The following KDM2A variants were observed in gnomAD, a reference collection of about 807,000 sequenced individuals.
The protein encoded by KDM2A is lysine demethylase 2A, also known as lysine-specific demethylase 2A.
In KDM2A, 3 loss-of-function variants were observed where a neutral mutation model predicts 137.3. The observed-to-expected ratio is 0.02, with a 90% CI of 0.01 to 0.06. The LOEUF (loss-of-function observed/expected upper bound fraction) is 0.06. Among genes scored for constraint, KDM2A ranks in the 10% least tolerant of loss-of-function variants. The probability of loss-of-function intolerance (pLI) is 1.00; values close to 1 mark genes in which losing one functional copy is unlikely to be tolerated. For synonymous variants in KDM2A, 512 were observed against 541.5 expected (o/e 0.95, Z 0.76); for missense variants, 738 against 1,510.6 (o/e 0.49, Z 8.48).
At chr11:67,194,562 C>A (rs1857435055) in intron 5 of KDM2A, among the ~76,000 whole-genome samples, 1 of 152,140 alleles carries the variant, frequency 6.6e-6, no homozygotes, top group South Asian at 2.1e-4. Context: ...GTAAAAAACA[C>A]CACAAAAGCA....
Position 67,254,833 on chromosome 11 carries a change from T to G in KDM2A, c.3308-41T>G. The G allele has an allele frequency of 6.4e-7, 1 of 1,554,754 alleles. No individual in the cohort carries two copies. Among genetic ancestry groups the G allele is most frequent in the Middle Eastern group, 1.7e-4 (1 of 5,972 alleles). ...GGAATTGAATGGCAGAGGAAAGCTGTGTGTATGTGAGCACTGTCATTATGT... is the reference window on the plus strand; with the variant it reads ...GGAATTGAATGGCAGAGGAAAGCTGGGTGTATGTGAGCACTGTCATTATGT... On this transcript the variant is annotated intron_variant, in intron 20 of 20. Coordinates refer to ENST00000529006, the MANE Select transcript of KDM2A (RefSeq NM_012308.3). This position sits in a 1 kb window ranked among gnomAD's most constrained non-coding sequence, Gnocchi z 4.7.
chr11:67,151,461 C>T lies in KDM2A; in HGVS notation c.43-28618C>T, dbSNP rs118173127. On this transcript the variant is annotated intron_variant, in intron 2 of 20. Coordinates refer to ENST00000529006, the MANE Select transcript of KDM2A (RefSeq NM_012308.3). ...AATGGTGCCATCTCTGCTCGCTGCA[C>T]CTTCCGCCTCCCGAATAAGTGGGGT... Among the ~76,000 whole-genome samples the T allele has an allele frequency of 4.2e-3, 642 of 151,970 alleles. 36 individuals carry two copies. The East Asian group carries it at 0.11, about 25-fold the overall frequency.
In KDM2A at chr11:67,119,786, CT is replaced by C. The variant is rs1019248727; in HGVS notation, c.-346del. On this transcript the variant is annotated 5_prime_UTR_variant, in exon 1 of 21. Coordinates refer to ENST00000529006, the MANE Select transcript of KDM2A (RefSeq NM_012308.3). The stretch of plus-strand genomic sequence containing the variant: ...CGGGCCCGGGCTGCTGACCGCTGGC[CT>C]GGGGGAGGCGGGGGCGCCCCGGGCT... 1.3e-5 allele frequency: 2 copies of C among 151,064 alleles called. No individual in the cohort carries two copies. The highest frequency in any genetic ancestry group is 4.8e-5 in the African/African-American group (2 of 41,330). The allele number at this position is 151,064 out of a possible 1,614,324, so 9.4% of individuals were successfully genotyped here. A position where few individuals can be genotyped will look rare whatever the true frequency, so the allele number is the denominator to read the frequency against.
chr11:67,217,087 C>G (rs756528316), intron 8 of KDM2A, among the ~76,000 whole-genome samples: 2 of 144,488 alleles, frequency 1.4e-5, no homozygotes, highest in African/African-American at 5.2e-5. Context: ...ACTAAAAATA[C>G]AAAAATTAGC....
intron 2 of KDM2A, among the ~76,000 whole-genome samples, chr11:67,138,117 A>G (rs1405974645): frequency 6.6e-6 from 1 of 152,060 alleles, no homozygotes; most frequent in Non-Finnish European, 1.5e-5. Flanking sequence ...TTATTATAGG[A>G]CCACCGTCAC....
intron 11 of KDM2A, among the ~76,000 whole-genome samples, chr11:67,228,686 G>GAAAA (rs139339570): frequency 2.9e-5 from 3 of 105,002 alleles, no homozygotes; most frequent in Non-Finnish European, 6.4e-5. Flanking sequence ...ACCCTGTTGC[G>GAAAA]AAAAAAAAAA....
chr11:67,126,331 T>C (rs539660627), intron 2 of KDM2A, among the ~76,000 whole-genome samples: 5 of 151,958 alleles, frequency 3.3e-5, no homozygotes, highest in Non-Finnish European at 7.4e-5. Context: ...TCCCAGCACT[T>C]CGGGAGGCCA....
chr11:67,139,823 C>T (rs1302539850), intron 2 of KDM2A, among the ~76,000 whole-genome samples: 1 of 152,102 alleles, frequency 6.6e-6, no homozygotes, highest in Non-Finnish European at 1.5e-5. Flanking sequence ...GATTCTTCTG[C>T]CTCAGGTCCT....
At chr11:67,141,678 AAAAAATAT>A (rs1299458299) in intron 2 of KDM2A, among the ~76,000 whole-genome samples, 63 of 76,262 alleles carry the variant, frequency 8.3e-4, no homozygotes, top group South Asian at 8.2e-3. Flanking sequence ...AAAAAAAAAA[AAAAAATAT>A]ATATATATAT....
In KDM2A at chr11:67,195,369, CAAAAAAA is replaced by C. The variant is rs34494813; in HGVS notation, c.308-12122_308-12116del. ...GGGTGATCGAGTGAGACTCCGTCTC[CAAAAAAA>C]AAAAAAAAAAAAAAAAAAGTTGAAT... On this transcript the variant is annotated intron_variant, in intron 5 of 20. Coordinates refer to ENST00000529006, the MANE Select transcript of KDM2A (RefSeq NM_012308.3). 1.4e-4 allele frequency among the ~76,000 whole-genome samples: 9 copies of C among 65,232 alleles called. No homozygotes were observed. In the East Asian group the frequency reaches 3.5e-3, roughly 25 times the overall value. 42.8% of individuals were successfully genotyped at this position (65,232 alleles called of 152,430 possible).
chr11:67,226,232 T>C (rs1437010124), intron 10 of KDM2A, among the ~76,000 whole-genome samples: 1 of 149,948 alleles, frequency 6.7e-6, no homozygotes, highest in African/African-American at 2.5e-5. Flanking sequence ...ACACTAGCCT[T>C]GGTGACAGAG....
chr11:67,204,047 C>T (rs575836110), intron 5 of KDM2A, among the ~76,000 whole-genome samples: 10 of 151,974 alleles, frequency 6.6e-5, no homozygotes, highest in African/African-American at 2.2e-4. Context: ...GTGATCTGCC[C>T]GCCTCGGCCT....
intron 12 of KDM2A, among the ~76,000 whole-genome samples, chr11:67,238,128 G>A (rs983770308): frequency 6.6e-5 from 10 of 152,040 alleles, no homozygotes; most frequent in Non-Finnish European, 1.2e-4. Flanking sequence ...CTTGTATTAT[G>A]TAATGTCATG....
intron 2 of KDM2A, among the ~76,000 whole-genome samples, chr11:67,147,929 G>A (rs891250175): frequency 2.2e-4 from 33 of 151,818 alleles, no homozygotes; most frequent in Admixed American, 9.9e-4. Context: ...CACCTGCCTC[G>A]ACTTCCCAAA....
chr11:67,229,875 GA>G (rs1047618347), intron 11 of KDM2A, among the ~76,000 whole-genome samples: 67 of 122,600 alleles, frequency 5.5e-4, no homozygotes, highest in South Asian at 1.3e-3. Flanking sequence ...GTCTCAAAAA[GA>G]AAAAAAAAAA....
intron 2 of KDM2A, among the ~76,000 whole-genome samples, chr11:67,141,926 C>G (rs551458812): frequency 1.3e-5 from 2 of 152,070 alleles, no homozygotes; most frequent in South Asian, 4.1e-4. Context: ...CGTGATACTT[C>G]TCTTTCTGTG....
intron 11 of KDM2A, among the ~76,000 whole-genome samples, chr11:67,230,153 G>T (rs1298987938): frequency 6.6e-6 from 1 of 151,192 alleles, no homozygotes; most frequent in Non-Finnish European, 1.5e-5. Flanking sequence ...TCCAGCCTGG[G>T]TGACAGAGCG....
chr11:67,204,489 T>C (rs1857742433), intron 5 of KDM2A, among the ~76,000 whole-genome samples: 2 of 146,368 alleles, frequency 1.4e-5, no homozygotes, highest in Admixed American at 1.3e-4. Flanking sequence ...GTGTGTTTTC[T>C]TTTTTCTTTT....
At chr11:67,144,226 A>G (rs951999272) in intron 2 of KDM2A, among the ~76,000 whole-genome samples, 3 of 147,816 alleles carry the variant, frequency 2.0e-5, no homozygotes, top group Non-Finnish European at 3.0e-5. Context: ...GGGGTGAGCC[A>G]TTGTACCTGG....
Sources: gnomAD v4.1 joint callset for allele counts (sites outside exome capture counted in the v4.1 genomes callset) on GRCh38, gnomAD v4.1.1 for gene constraint, Gnocchi (gnomAD v3.1) non-coding constraint, MANE v1.5 for transcripts, NCBI Gene and HGNC (gene_info 2026-07-23, HGNC 2026-07-21) for gene names.